The following LEPR variants were observed in gnomAD, a reference collection of about 807,000 sequenced individuals.
The protein encoded by LEPR is leptin receptor.
LEPR carries 56 observed loss-of-function variants against 114.7 expected under a neutral mutation model. That is an observed-to-expected ratio of 0.49 (90% CI 0.39 to 0.61). The LOEUF (loss-of-function observed/expected upper bound fraction) is 0.61, where lower values mean the gene tolerates loss of function less well. Ranked by LOEUF, LEPR falls within the 20% of genes least tolerant of loss-of-function variation. The pLI is 0.00. For synonymous variants in LEPR, 443 were observed against 461.4 expected (o/e 0.96, Z 0.51); for missense variants, 1,202 against 1,352.9 (o/e 0.89, Z 1.75).
intron 2 of LEPR, among the ~76,000 whole-genome samples, chr1:65,557,278 A>G (rs1652878727): frequency 6.6e-6 from 1 of 152,158 alleles, no homozygotes; most frequent in Non-Finnish European, 1.5e-5. Flanking sequence ...ACCATAAGAA[A>G]AGTTAGAACA....
chr1:65,463,495 T>G (rs1482342687), intron 2 of LEPR, among the ~76,000 whole-genome samples: 1 of 152,250 alleles, frequency 6.6e-6, no homozygotes, highest in African/African-American at 2.4e-5. Context: ...AGGATTGTCT[T>G]GGCTATGTGG....
At chr1:65,570,906 AT>A in intron 4 of LEPR, 104 bp downstream of exon 4, 1 of 945,942 alleles carries the variant, frequency 1.1e-6, no homozygotes, top group Non-Finnish European at 1.4e-6. Flanking sequence ...ATACATAATC[AT>A]TTTTATATGG....
Position 65,550,344 on chromosome 1 carries a change from C to T in LEPR, c.-20-15202C>T, listed in dbSNP as rs547350016. Among the ~76,000 whole-genome samples the T allele has an allele frequency of 1.2e-4, 18 of 152,282 alleles. 1 individual carries two copies. Among genetic ancestry groups the T allele is most frequent in the African/African-American group, 4.1e-4 (17 of 41,560 alleles). On this transcript the variant is annotated intron_variant, in intron 2 of 19. Coordinates refer to ENST00000349533, the MANE Select transcript of LEPR (RefSeq NM_002303.6). ...CTGGGAGAACCACTGCTCTCTTCAA[C>T]GCTGTCAGACAGGAACATTTAAGTC...
chr1:65,570,680 C>T lies in LEPR; in HGVS notation c.248C>T (p.Ser83Phe). Residue 83 changes from serine (S) to phenylalanine (F), a missense_variant, in exon 4 of 20, where the codon TCC becomes TTC. Transcript: ENST00000349533. ...AGTGGTACTCACTTTTCTAACTTAT[C>T]CAAAACAACTTTCCACTGTTGCTTT... ...NSSGTHFSNL[S>F]KTTFHCCFRS... 6.2e-7 allele frequency: 1 copy of T among 1,613,892 alleles called. No homozygotes were observed. Among genetic ancestry groups the T allele is most frequent in the South Asian group, 1.1e-5 (1 of 91,038 alleles).
chr1:65,548,937 T>C (rs974724054), intron 2 of LEPR, among the ~76,000 whole-genome samples: 56 of 152,360 alleles, frequency 3.7e-4, no homozygotes, highest in African/African-American at 1.3e-3. Flanking sequence ...GATTTTGCAG[T>C]GGCTGGTACC....
intron 19 of LEPR, chr1:65,626,072 A>C (rs375597344): frequency 1.4e-5 from 22 of 1,562,374 alleles, no homozygotes; most frequent in Non-Finnish European, 1.7e-5. Context: ...TCAGGCCCAC[A>C]TCAGCAAAAT....
intron 5 of LEPR, among the ~76,000 whole-genome samples, chr1:65,573,839 A>T (rs1654384412): frequency 6.6e-6 from 1 of 152,240 alleles, no homozygotes; most frequent in Non-Finnish European, 1.5e-5. Context: ...GGGAGTGGTG[A>T]TGGTTGCATA....
At chr1:65,605,353 T>A (rs1290317901) in intron 11 of LEPR, 116 bp downstream of exon 11, 4 of 1,341,302 alleles carry the variant, frequency 3.0e-6, no homozygotes, top group Non-Finnish European at 4.2e-6. Context: ...AAAAAAAAAT[T>A]GTTCCTGTTT....
intron 2 of LEPR, among the ~76,000 whole-genome samples, chr1:65,463,011 T>C (rs1646965531): frequency 6.6e-6 from 1 of 152,216 alleles, no homozygotes; most frequent in Non-Finnish European, 1.5e-5. Flanking sequence ...TAGATACCAT[T>C]TGTCAATTTT....
At chr1:65,632,056 G>A (rs894307374) in intron 19 of LEPR, among the ~76,000 whole-genome samples, 4 of 151,968 alleles carry the variant, frequency 2.6e-5, no homozygotes, top group South Asian at 2.1e-4. Context: ...TTCCTTTAGC[G>A]GGGCTAAAGC....
chr1:65,473,515 TC>T (rs1374073272), intron 2 of LEPR, among the ~76,000 whole-genome samples: 1 of 152,210 alleles, frequency 6.6e-6, no homozygotes, highest in African/African-American at 2.4e-5. Flanking sequence ...CAAAGAGACT[TC>T]CTTGAATCTT....
chr1:65,490,440 T>C (rs1180091953), intron 2 of LEPR, among the ~76,000 whole-genome samples: 1 of 152,092 alleles, frequency 6.6e-6, no homozygotes, highest in Non-Finnish European at 1.5e-5. Context: ...GGGAGGATTA[T>C]ACATACCAGG....
rs185573157 is a variant in LEPR, at chr1:65,637,933, C to T, written c.*918C>T. 7 of 152,298 alleles carry T rather than the reference C, an allele frequency of 4.6e-5. No individual in the cohort carries two copies. In the East Asian group the frequency reaches 1.3e-3, roughly 29 times the overall value. 9.4% of individuals were successfully genotyped at this position (152,298 alleles called of 1,614,324 possible). The stretch of plus-strand genomic sequence containing the variant: ...ACAGTAAATAATTTGCCCACAGTTA[C>T]AGTCAGTGGGTGATGGAATCAGAGT... On this transcript the variant is annotated 3_prime_UTR_variant, in exon 20 of 20. Transcript: ENST00000349533.
chr1:65,436,401 A>G (rs1383270739), intron 2 of LEPR, among the ~76,000 whole-genome samples: 3 of 152,252 alleles, frequency 2.0e-5, no homozygotes, highest in Non-Finnish European at 4.4e-5. Context: ...CTCCTTATGC[A>G]CAAAACATTT....
At chr1:65,563,365 A>G (rs1222456329) in intron 2 of LEPR, among the ~76,000 whole-genome samples, 1 of 66,710 alleles carries the variant, frequency 1.5e-5, no homozygotes, top group South Asian at 6.7e-4. Context: ...AGGCTTCTGC[A>G]TTCTTCACGT....
chr1:65,434,606 G>C, intron 2 of LEPR: 1 of 985,430 alleles, frequency 1.0e-6, no homozygotes, highest in East Asian at 1.1e-4. Context: ...TTGGGTCTCT[G>C]AGACAGGGTA....
intron 2 of LEPR, among the ~76,000 whole-genome samples, chr1:65,453,799 C>T (rs570909957): frequency 2.1e-4 from 32 of 152,048 alleles, no homozygotes; most frequent in African/African-American, 4.6e-4. Context: ...CTATTAGGTC[C>T]GCTTGGTGCA....
rs183928195 is a variant in LEPR, at chr1:65,596,440, T to C, written c.704-8T>C. On this transcript the variant is annotated splice_region_variant and splice_polypyrimidine_tract_variant and intron_variant, in intron 6 of 19. Transcript: ENST00000349533. Reference sequence around the variant, plus strand: ...TGACTTAAAAGTATTCTCTTTTTTTTCCTTAAGTGAAGCCTGATCCACCAT... The same window carrying C: ...TGACTTAAAAGTATTCTCTTTTTTTCCCTTAAGTGAAGCCTGATCCACCAT... The C allele has an allele frequency of 2.5e-5, 41 of 1,612,350 alleles. No homozygotes were observed. In the East Asian group the frequency reaches 7.1e-4, roughly 28 times the overall value.
intron 2 of LEPR, among the ~76,000 whole-genome samples, chr1:65,564,144 C>G (rs1255599375): frequency 3.4e-5 from 5 of 149,090 alleles, no homozygotes; most frequent in Admixed American, 2.0e-4. Flanking sequence ...GGGCGCCCCT[C>G]CCCCAGCCTC....
Sources: gnomAD v4.1 joint callset for allele counts (sites outside exome capture counted in the v4.1 genomes callset) on GRCh38, gnomAD v4.1.1 for gene constraint, MANE v1.5 for transcripts, NCBI Gene and HGNC (gene_info 2026-07-23, HGNC 2026-07-21) for gene names.